The following GSK3B variants were observed in gnomAD, a reference collection of about 807,000 sequenced individuals.
The protein encoded by GSK3B is glycogen synthase kinase 3 beta, also known as glycogen synthase kinase-3 beta.
Under a neutral mutation model 56.4 loss-of-function variants are expected in GSK3B, and 15 were observed. The observed-to-expected ratio is 0.27, with a 90% CI of 0.18 to 0.41. The LOEUF (loss-of-function observed/expected upper bound fraction) is 0.41. Ranked by LOEUF, GSK3B falls within the 10% of genes least tolerant of loss-of-function variation. The probability of loss-of-function intolerance (pLI) is 1.00; values close to 1 mark genes in which losing one functional copy is unlikely to be tolerated. For missense variants in GSK3B, 300 were observed against 513.4 expected (o/e 0.58, Z 4.02); for synonymous variants, 181 against 188.9 (o/e 0.96, Z 0.34).
intron 7 of GSK3B, among the ~76,000 whole-genome samples, chr3:119,894,278 T>C (rs1045062455): frequency 6.6e-6 from 1 of 152,144 alleles, no homozygotes; most frequent in African/African-American, 2.4e-5. Context: ...TTAGGATATA[T>C]ACCTACAAGC....
chr3:120,019,048 CA>C (rs914368172), intron 1 of GSK3B, among the ~76,000 whole-genome samples: 1 of 151,114 alleles, frequency 6.6e-6, no homozygotes, highest in Non-Finnish European at 1.5e-5. Flanking sequence ...AATAAACAAA[CA>C]AAAAAAAGGA....
intron 9 of GSK3B, among the ~76,000 whole-genome samples, chr3:119,860,737 G>C (rs1331998374): frequency 1.3e-5 from 2 of 152,210 alleles, no homozygotes; most frequent in Admixed American, 6.5e-5. Flanking sequence ...ATAACAACCA[G>C]AGGGAACATT....
At chr3:119,864,064 T>C (rs996447598) in intron 8 of GSK3B, among the ~76,000 whole-genome samples, 2 of 152,220 alleles carry the variant, frequency 1.3e-5, no homozygotes, top group Non-Finnish European at 2.9e-5. Flanking sequence ...AAGAGCTATT[T>C]ACTCTAGGTC....
At chr3:119,979,914 G>A (rs925223771) in intron 2 of GSK3B, among the ~76,000 whole-genome samples, 5 of 152,038 alleles carry the variant, frequency 3.3e-5, no homozygotes, top group African/African-American at 1.2e-4. Context: ...ATTAGACCCT[G>A]GAAACTGTTT....
Position 119,824,262 on chromosome 3 carries a change from T to C in GSK3B, c.*2526A>G, listed in dbSNP as rs1399165804. The C allele has an allele frequency of 4.5e-6, 1 of 224,238 alleles. No individual in the cohort carries two copies. Among genetic ancestry groups the C allele is most frequent in the Non-Finnish European group, 8.9e-6 (1 of 112,406 alleles). 13.9% of individuals were successfully genotyped at this position (224,238 alleles called of 1,614,324 possible). On this transcript the variant is annotated 3_prime_UTR_variant, in exon 11 of 11. Transcript: ENST00000264235. Reference sequence around the variant, plus strand: ...ACAAAAAGATATTCAGAGACCTGGATCTCACTTGTATAAAAGAGTTCTGTG... The same window carrying C: ...ACAAAAAGATATTCAGAGACCTGGACCTCACTTGTATAAAAGAGTTCTGTG...
intron 7 of GSK3B, among the ~76,000 whole-genome samples, chr3:119,896,466 T>C (rs891399800): frequency 6.6e-6 from 1 of 152,134 alleles, no homozygotes; most frequent in African/African-American, 2.4e-5. Flanking sequence ...CCAGTTTTAC[T>C]TTCCTTCGAG....
At position 119,825,587 on chromosome 3, in the gene GSK3B, GTA is replaced by G. The variant is rs1246395054; in HGVS notation, c.*1199_*1200del. The G allele has an allele frequency of 4.4e-6, 1 of 228,154 alleles. No homozygotes were observed. Among genetic ancestry groups the G allele is most frequent in the Non-Finnish European group, 8.7e-6 (1 of 115,144 alleles). 14.1% of individuals were successfully genotyped at this position (228,154 alleles called of 1,614,324 possible). A position where few individuals can be genotyped will look rare whatever the true frequency, so the allele number is the denominator to read the frequency against. On this transcript the variant is annotated 3_prime_UTR_variant, in exon 11 of 11. Coordinates refer to ENST00000264235, the MANE Select transcript of GSK3B (RefSeq NM_001146156.2). The stretch of plus-strand genomic sequence containing the variant: ...ATAAGTGACTGTATCATTCTGATGT[GTA>G]GTTTTTAATATTTCTACCATCTGAC...
intron 10 of GSK3B, among the ~76,000 whole-genome samples, chr3:119,833,560 C>G (rs1206388571): frequency 6.6e-6 from 1 of 151,924 alleles, no homozygotes; most frequent in Non-Finnish European, 1.5e-5. Context: ...AAGTTCTCAG[C>G]TACAAAATTA....
chr3:119,854,124 A>T (rs987238052), intron 9 of GSK3B, among the ~76,000 whole-genome samples: 1 of 152,176 alleles, frequency 6.6e-6, no homozygotes, highest in African/African-American at 2.4e-5. Context: ...AGTTTTTAGC[A>T]TGAAGGTCTG....
At chr3:119,910,903 T>C (rs2056729019) in intron 6 of GSK3B, among the ~76,000 whole-genome samples, 1 of 152,246 alleles carries the variant, frequency 6.6e-6, no homozygotes, top group South Asian at 2.1e-4. Flanking sequence ...AACTTGTTTA[T>C]GTTTCATCAT....
intron 1 of GSK3B, among the ~76,000 whole-genome samples, chr3:120,074,536 T>TCGAA (rs1236911571): frequency 3.3e-5 from 5 of 151,756 alleles, no homozygotes; most frequent in African/African-American, 1.2e-4. Flanking sequence ...CAGGCTGGTC[T>TCGAA]CGAACTCCTG....
At chr3:120,070,632 C>T (rs1238307709) in intron 1 of GSK3B, among the ~76,000 whole-genome samples, 1 of 151,972 alleles carries the variant, frequency 6.6e-6, no homozygotes, top group African/African-American at 2.4e-5. Context: ...TGAAATCTTT[C>T]ACTATAGAAA....
chr3:119,824,333 AC>A lies in GSK3B; in HGVS notation c.*2454del. On this transcript the variant is annotated 3_prime_UTR_variant, in exon 11 of 11. Transcript: ENST00000264235. ...AAAGAAAAATCACACATCTCAGCAC[AC>A]ACACACACACACACACACGCACACA... The A allele has an allele frequency of 2.0e-5, 1 of 49,568 alleles. No individual in the cohort carries two copies. 3.1% of individuals were successfully genotyped at this position (49,568 alleles called of 1,614,324 possible).
At chr3:120,000,821 CAAAAA>C (rs57916840) in intron 2 of GSK3B, among the ~76,000 whole-genome samples, 5 of 67,272 alleles carry the variant, frequency 7.4e-5, no homozygotes, top group Non-Finnish European at 1.0e-4. Flanking sequence ...GGGAAGATAG[CAAAAA>C]AAAAAAAAAA....
intron 7 of GSK3B, among the ~76,000 whole-genome samples, chr3:119,885,127 G>A (rs1043059697): frequency 1.3e-5 from 2 of 152,124 alleles, no homozygotes; most frequent in Non-Finnish European, 2.9e-5. Flanking sequence ...TCCTGGAACT[G>A]ATAAATGCCT....
intron 1 of GSK3B, among the ~76,000 whole-genome samples, chr3:120,074,834 T>A (rs918485611): frequency 6.6e-6 from 1 of 152,196 alleles, no homozygotes; most frequent in Non-Finnish European, 1.5e-5. Flanking sequence ...TCTACCAAAC[T>A]TTTTAAGAAT....
At chr3:119,903,525 T>G (rs2056646594) in intron 7 of GSK3B, among the ~76,000 whole-genome samples, 1 of 152,096 alleles carries the variant, frequency 6.6e-6, no homozygotes, top group Non-Finnish European at 1.5e-5. Context: ...AAATTATCAG[T>G]AACAAAATAT....
In GSK3B at chr3:119,853,625, G is replaced by C. The variant is rs147109496; in HGVS notation, c.1096+9794C>G. 5.9e-3 allele frequency among the ~76,000 whole-genome samples: 893 copies of C among 152,214 alleles called. 8 individuals are homozygous for C. Among genetic ancestry groups the C allele is most frequent in the African/African-American group, 0.02 (840 of 41,542 alleles). On this transcript the variant is annotated intron_variant, in intron 9 of 10. Coordinates refer to ENST00000264235, the MANE Select transcript of GSK3B (RefSeq NM_001146156.2). ...GCAGTGGTTTGTAGTTCTCCTTGAC[G>C]AGGTCCTTCACGTCCCTTGTAAGTT...
intron 1 of GSK3B, among the ~76,000 whole-genome samples, chr3:120,082,731 T>C (rs2058432046): frequency 6.6e-6 from 1 of 152,012 alleles, no homozygotes; most frequent in South Asian, 2.1e-4. Context: ...AAACACTCAC[T>C]AGGTTATAAA....
Sources: allele counts gnomAD v4.1 joint callset (sites outside exome capture counted in the v4.1 genomes callset), GRCh38; gene constraint gnomAD v4.1.1; transcripts MANE v1.5; gene names NCBI Gene and HGNC (gene_info 2026-07-23, HGNC 2026-07-21).